Variants in ABTB3 observed in about 807,000 individuals in gnomAD.
The protein encoded by ABTB3 is ankyrin repeat and BTB domain containing 3, also known as ankyrin repeat- and BTB/POZ domain-containing protein 3.
chr12:107,339,320 A>G, the ABTB3 span, among the ~76,000 whole-genome samples: 1 of 152,188 alleles, frequency 6.6e-6, no homozygotes, highest in Non-Finnish European at 1.5e-5. Flanking sequence ...GCACCCACCC[A>G]AAAGAGGCCA....
chr12:107,320,670 G>A, the ABTB3 span: 14 of 456,026 alleles, frequency 3.1e-5, no homozygotes, highest in Non-Finnish European at 6.2e-5. Flanking sequence ...GGGAAGACTT[G>A]TCGGTGCCAA....
chr12:107,457,501 A>G, the ABTB3 span, among the ~76,000 whole-genome samples: 1 of 152,222 alleles, frequency 6.6e-6, no homozygotes, highest in Admixed American at 6.5e-5. Context: ...GGCGGGTCCC[A>G]GGCAGGCTGA....
At chr12:107,529,304 G>T in the ABTB3 span, among the ~76,000 whole-genome samples, 1 of 151,728 alleles carries the variant, frequency 6.6e-6, no homozygotes, top group Non-Finnish European at 1.5e-5. Context: ...TGATGGTGAT[G>T]ATGATGATGG....
At chr12:107,466,114 T>C in the ABTB3 span, among the ~76,000 whole-genome samples, 1 of 152,136 alleles carries the variant, frequency 6.6e-6, no homozygotes, top group South Asian at 2.1e-4. Flanking sequence ...GTGGATGCGC[T>C]TGCTTTGGGG....
At chr12:107,607,863 A>C in the ABTB3 span, among the ~76,000 whole-genome samples, 1 of 152,076 alleles carries the variant, frequency 6.6e-6, no homozygotes, top group East Asian at 1.9e-4. Flanking sequence ...CGTCGCATCC[A>C]CTTCTTGGGG....
chr12:107,475,891 C>T, the ABTB3 span, among the ~76,000 whole-genome samples: 57,588 of 151,822 alleles, frequency 0.38, 13,332 homozygotes, highest in African/African-American at 0.66. Context: ...GGTTGAACAG[C>T]GCTTCAGGAT....
the ABTB3 span, among the ~76,000 whole-genome samples, chr12:107,565,185 T>C: frequency 6.6e-6 from 1 of 152,168 alleles, no homozygotes; most frequent in Non-Finnish European, 1.5e-5. Flanking sequence ...ACTGAGCACG[T>C]ATGCAGGAGC....
chr12:107,496,220 C>T, the ABTB3 span, among the ~76,000 whole-genome samples: 6 of 152,198 alleles, frequency 3.9e-5, no homozygotes, highest in African/African-American at 1.4e-4. Context: ...CATCTCACCT[C>T]TAACTCCTGC....
the ABTB3 span, among the ~76,000 whole-genome samples, chr12:107,435,819 T>C: frequency 2.6e-5 from 4 of 152,230 alleles, no homozygotes; most frequent in African/African-American, 7.2e-5. Flanking sequence ...AGAGGGCCTA[T>C]CCCTGTTTTA....
the ABTB3 span, among the ~76,000 whole-genome samples, chr12:107,568,582 A>C: frequency 6.6e-6 from 1 of 152,190 alleles, no homozygotes; most frequent in Non-Finnish European, 1.5e-5. Context: ...AACATTTCGA[A>C]TCTTGAGTAG....
At chr12:107,348,155 T>C in the ABTB3 span, among the ~76,000 whole-genome samples, 1 of 152,194 alleles carries the variant, frequency 6.6e-6, no homozygotes, top group Non-Finnish European at 1.5e-5. Context: ...ACTACTTTTA[T>C]TTATATGTAC....
chr12:107,643,770 TG>T, the ABTB3 span, among the ~76,000 whole-genome samples: 147 of 140,282 alleles, frequency 1.0e-3, 1 homozygote, highest in Middle Eastern at 3.8e-3. Context: ...TTTTTTTTTT[TG>T]TTGAGAGAGA....
chr12:107,608,530 C>T, the ABTB3 span, among the ~76,000 whole-genome samples: 1 of 152,180 alleles, frequency 6.6e-6, no homozygotes, highest in African/African-American at 2.4e-5. Flanking sequence ...TTTGCTCATA[C>T]TGGCCCTGCT....
At chr12:107,350,322 C>G in the ABTB3 span, among the ~76,000 whole-genome samples, 48 of 152,014 alleles carry the variant, frequency 3.2e-4, no homozygotes. Context: ...GAGGCCGAGG[C>G]GAGGGATCAC....
At chr12:107,545,547 C>T in the ABTB3 span, among the ~76,000 whole-genome samples, 18 of 152,176 alleles carry the variant, frequency 1.2e-4, no homozygotes, top group East Asian at 2.7e-3. Context: ...CAGGCTACTT[C>T]TTCTTTTTAT....
the ABTB3 span, among the ~76,000 whole-genome samples, chr12:107,357,101 A>G: frequency 6.6e-6 from 1 of 152,250 alleles, no homozygotes; most frequent in South Asian, 2.1e-4. Flanking sequence ...GCATTGGGTC[A>G]TGTCTTGAAA....
chr12:107,552,585 A>G, the ABTB3 span, among the ~76,000 whole-genome samples: 2 of 152,326 alleles, frequency 1.3e-5, no homozygotes, highest in East Asian at 3.9e-4. Context: ...TTGTTCTGTC[A>G]TTGGACATGA....
the ABTB3 span, among the ~76,000 whole-genome samples, chr12:107,529,977 A>G: frequency 1.3e-5 from 2 of 152,180 alleles, no homozygotes; most frequent in African/African-American, 4.8e-5. Flanking sequence ...GTATATAGAG[A>G]AAAGAGGGAC....
the ABTB3 span, chr12:107,581,348 C>T: frequency 7.8e-7 from 1 of 1,285,114 alleles, no homozygotes; most frequent in Non-Finnish European, 9.9e-7. Context: ...AGGGAGGGCT[C>T]CGGCCTCGCA....
Sources: gnomAD v4.1 joint callset for allele counts (sites outside exome capture counted in the v4.1 genomes callset) on GRCh38, gnomAD v4.1.1 for gene constraint, MANE v1.5 for transcripts, NCBI Gene and HGNC (gene_info 2026-07-23, HGNC 2026-07-21) for gene names.